TBL1XR1: variants seen among roughly 807,000 people sequenced by gnomAD.
TBL1XR1 encodes the protein F-box-like/WD repeat-containing protein TBL1XR1.
A neutral mutation model predicts 66.9 loss-of-function variants in TBL1XR1; 5 were observed. The ratio of observed to expected loss-of-function variants is 0.07; its 90% CI spans 0.04 to 0.16. The LOEUF is 0.16. Ranked by LOEUF, TBL1XR1 falls within the 10% of genes least tolerant of loss-of-function variation. The pLI is 1.00. For synonymous variants in TBL1XR1, 210 were observed against 206.0 expected, an observed-to-expected ratio of 1.02 and a Z score of -0.17; for missense variants, 238 against 623.2, an observed-to-expected ratio of 0.38 and a Z score of 6.58.
chr3:177,132,142 T>C (rs1237743777), intron 1 of TBL1XR1, among the ~76,000 whole-genome samples: 1 of 152,210 alleles, frequency 6.6e-6, no homozygotes, highest in Admixed American at 6.5e-5. Flanking sequence ...ACTGATGGTT[T>C]GCACCTGGTT....
At chr3:177,196,236 A>G (rs577320714) in intron 1 of TBL1XR1, 1 of 152,310 alleles carries the variant, frequency 6.6e-6, no homozygotes, top group South Asian at 2.1e-4. Flanking sequence ...TTCTGTTCAA[A>G]AAATTAAATC....
chr3:177,039,668 G>T (rs1348342852), intron 10 of TBL1XR1, among the ~76,000 whole-genome samples: 1 of 152,206 alleles, frequency 6.6e-6, no homozygotes, highest in Non-Finnish European at 1.5e-5. Flanking sequence ...GGTAATAATA[G>T]TGAGTAACTG....
intron 1 of TBL1XR1, among the ~76,000 whole-genome samples, chr3:177,144,875 A>C (rs1342611980): frequency 6.6e-6 from 1 of 152,260 alleles, no homozygotes. Context: ...TTAACTTGTC[A>C]CAAAATAATA....
intron 2 of TBL1XR1, among the ~76,000 whole-genome samples, chr3:177,085,666 G>A (rs1331495366): frequency 6.6e-6 from 1 of 152,100 alleles, no homozygotes; most frequent in Non-Finnish European, 1.5e-5. Flanking sequence ...GAAAATGATA[G>A]CAAACACTAT....
At chr3:177,045,970 TTAAGA>T (rs1269532911) in intron 10 of TBL1XR1, among the ~76,000 whole-genome samples, 154 bp downstream of exon 10, 1 of 152,118 alleles carries the variant, frequency 6.6e-6, no homozygotes, top group African/African-American at 2.4e-5. Flanking sequence ...CCTCTGACAA[TTAAGA>T]GTCTGAATGT....
intron 1 of TBL1XR1, among the ~76,000 whole-genome samples, chr3:177,144,623 G>T (rs1045307360): frequency 1.3e-5 from 2 of 151,840 alleles, no homozygotes; most frequent in Non-Finnish European, 2.9e-5. Flanking sequence ...GTGTGGTAGC[G>T]GGTGCCTGTA....
chr3:177,192,842 A>G (rs1736336651), intron 1 of TBL1XR1, among the ~76,000 whole-genome samples: 1 of 152,142 alleles, frequency 6.6e-6, no homozygotes, highest in Non-Finnish European at 1.5e-5. Context: ...CTGTCCCCTT[A>G]CACTGATGAA....
At chr3:177,150,763 G>C (rs1351323890) in intron 1 of TBL1XR1, among the ~76,000 whole-genome samples, 1 of 152,198 alleles carries the variant, frequency 6.6e-6, no homozygotes, top group Non-Finnish European at 1.5e-5. Context: ...CTAACAGAAA[G>C]TAATTATCTA....
At chr3:177,054,377 T>C (rs192000323) in intron 3 of TBL1XR1, among the ~76,000 whole-genome samples, 2 of 152,260 alleles carry the variant, frequency 1.3e-5, no homozygotes, top group East Asian at 3.9e-4. Context: ...TTTCAAATTT[T>C]CTTTCATCCC....
chr3:177,122,845 TTCCAAC>T (rs1727144015), intron 1 of TBL1XR1, among the ~76,000 whole-genome samples: 1 of 151,656 alleles, frequency 6.6e-6, no homozygotes, highest in African/African-American at 2.4e-5. Context: ...TATCTTTATC[TTCCAAC>T]TCCAACAGTG....
chr3:177,118,982 T>C (rs9839594), intron 1 of TBL1XR1, among the ~76,000 whole-genome samples: 10,692 of 152,218 alleles, frequency 0.07, 421 homozygotes, highest in Middle Eastern at 0.095. Context: ...TTTTGTTTTT[T>C]GTTTTTGAGA....
intron 1 of TBL1XR1, among the ~76,000 whole-genome samples, chr3:177,173,580 A>T (rs900675476): frequency 2.6e-5 from 4 of 152,204 alleles, no homozygotes; most frequent in Admixed American, 2.6e-4. Flanking sequence ...GGTCATGAAA[A>T]AGGGGAAAGA....
At chr3:177,173,358 G>A (rs1043326766) in intron 1 of TBL1XR1, among the ~76,000 whole-genome samples, 1 of 152,122 alleles carries the variant, frequency 6.6e-6, no homozygotes. Flanking sequence ...GTTGAGAAGC[G>A]AAAAACAGTA....
chr3:177,119,926 C>T (rs2108753091), intron 1 of TBL1XR1, among the ~76,000 whole-genome samples: 1 of 152,244 alleles, frequency 6.6e-6, no homozygotes, highest in East Asian at 1.9e-4. Flanking sequence ...GTTGGGATAT[C>T]CTCCTTTTTG....
intron 10 of TBL1XR1, among the ~76,000 whole-genome samples, chr3:177,038,787 G>A (rs982644666): frequency 6.6e-6 from 1 of 152,094 alleles, no homozygotes; most frequent in Non-Finnish European, 1.5e-5. Flanking sequence ...TAAAATCTGT[G>A]AGTGTTCAAT....
intron 2 of TBL1XR1, among the ~76,000 whole-genome samples, chr3:177,082,738 T>TTTTTTATATATATATATA (rs1450061640): frequency 1.6e-5 from 1 of 63,234 alleles, no homozygotes; most frequent in African/African-American, 6.4e-5. Flanking sequence ...AAGATAGAGA[T>TTTTTTATATATATATATA]TATATATATA....
chr3:177,030,839 T>A (rs986196844), intron 14 of TBL1XR1, among the ~76,000 whole-genome samples: 6 of 152,202 alleles, frequency 3.9e-5, no homozygotes, highest in Admixed American at 3.3e-4. Context: ...AGGCCGGGCA[T>A]GGTGGCTCAC....
intron 1 of TBL1XR1, among the ~76,000 whole-genome samples, 188 bp downstream of exon 1, chr3:177,196,933 G>A (rs1736940440): frequency 6.6e-6 from 1 of 151,854 alleles, no homozygotes; most frequent in South Asian, 2.1e-4. Context: ...GGATGGGGGC[G>A]CCCCAAGTGC....
upstream of TBL1XR1, among the ~76,000 whole-genome samples, chr3:177,197,962 G>A (rs868226336): frequency 1.1e-4 from 17 of 151,164 alleles, no homozygotes; most frequent in African/African-American, 4.1e-4. Context: ...AGCCGCCGGC[G>A]AAGTTTCCCC....
Sources: gnomAD v4.1 joint callset for allele counts (sites outside exome capture counted in the v4.1 genomes callset) on GRCh38, gnomAD v4.1.1 for gene constraint, MANE v1.5 for transcripts, NCBI Gene and HGNC (gene_info 2026-07-23, HGNC 2026-07-21) for gene names.